MTX2: variants seen among roughly 807,000 people sequenced by gnomAD.
The protein encoded by MTX2 is metaxin-2.
In MTX2, 35 loss-of-function variants were observed where a neutral mutation model predicts 42.3. The ratio of observed to expected loss-of-function variants is 0.83; its 90% CI spans 0.63 to 1.10. MTX2 has a LOEUF of 1.10. MTX2 is among the 50% of genes least tolerant of loss of function. The pLI is 0.00. For missense variants in MTX2, 307 were observed against 304.1 expected, an observed-to-expected ratio of 1.01 and a Z score of -0.07; for synonymous variants, 119 against 100.9, an observed-to-expected ratio of 1.18 and a Z score of -1.08.
At chr2:176,320,219 G>T (rs1407348253) in intron 3 of MTX2, among the ~76,000 whole-genome samples, 2 of 151,952 alleles carry the variant, frequency 1.3e-5, no homozygotes, top group African/African-American at 2.4e-5. Flanking sequence ...CTGCACTCCA[G>T]CCTGGGCGAC....
At chr2:176,324,263 G>A (rs1401007906) in intron 4 of MTX2, among the ~76,000 whole-genome samples, 2 of 151,356 alleles carry the variant, frequency 1.3e-5, no homozygotes, top group Non-Finnish European at 3.0e-5. Flanking sequence ...TGATAATTTA[G>A]GAGTGACTTG....
chr2:176,296,625 C>T (rs1047125672), intron 1 of MTX2, among the ~76,000 whole-genome samples: 1 of 151,892 alleles, frequency 6.6e-6, no homozygotes, highest in Non-Finnish European at 1.5e-5. Context: ...TTCCCCTCTT[C>T]CCCATTAAAA....
At chr2:176,327,836 G>C (rs889307310) in intron 5 of MTX2, among the ~76,000 whole-genome samples, 1 of 150,900 alleles carries the variant, frequency 6.6e-6, no homozygotes, top group Non-Finnish European at 1.5e-5. Context: ...TGAACTAAAG[G>C]TTATATCATT....
intron 9 of MTX2, among the ~76,000 whole-genome samples, chr2:176,331,732 C>T (rs375953957): frequency 2.8e-4 from 42 of 151,260 alleles, no homozygotes; most frequent in East Asian, 9.7e-4. Flanking sequence ...GATGTTTGCT[C>T]TACAGATTCT....
At chr2:176,326,763 ATTATCACAAAC>A (rs1303071908) in intron 4 of MTX2, 51 bp from the exon 5 acceptor site, 8 of 1,061,066 alleles carry the variant, frequency 7.5e-6, no homozygotes, top group African/African-American at 1.7e-5. Context: ...ATTTTTTTTA[ATTATCACAAAC>A]TTTAACATAC....
intron 1 of MTX2, chr2:176,270,347 A>C: frequency 7.4e-7 from 1 of 1,358,456 alleles, no homozygotes; most frequent in Non-Finnish European, 9.8e-7. Context: ...GATTCATGGA[A>C]AATTTTTAAA....
chr2:176,320,271 G>C, intron 3 of MTX2, among the ~76,000 whole-genome samples: 1 of 152,088 alleles, frequency 6.6e-6, no homozygotes, highest in South Asian at 2.1e-4. Context: ...GCATAGGTTT[G>C]ATTGCAGAAC....
In MTX2 at chr2:176,274,705, C is replaced by G. The variant is rs1052920116; in HGVS notation, c.40+5036C>G. Among the ~76,000 whole-genome samples the G allele has an allele frequency of 2.6e-5, 4 of 152,276 alleles. No homozygotes were observed. In the South Asian group the frequency reaches 8.3e-4, roughly 32 times the overall value. On this transcript the variant is annotated intron_variant, in intron 1 of 9. Coordinates refer to ENST00000249442, the MANE Select transcript of MTX2 (RefSeq NM_006554.5). ...AAGCACTGGCAAGACCAGGTACTAC[C>G]TGGAGTGTCTGATCCCAGGGAGGAC...
At chr2:176,311,725 T>G (rs1047893504) in intron 3 of MTX2, among the ~76,000 whole-genome samples, 1 of 152,228 alleles carries the variant, frequency 6.6e-6, no homozygotes, top group African/African-American at 2.4e-5. Flanking sequence ...CGGGAGAGAA[T>G]CACCTTGTCT....
At chr2:176,289,263 G>C (rs1207138215) in intron 1 of MTX2, among the ~76,000 whole-genome samples, 1 of 151,810 alleles carries the variant, frequency 6.6e-6, no homozygotes, top group African/African-American at 2.4e-5. Context: ...TTATTTTATG[G>C]CTTTCAGAAG....
At chr2:176,321,170 G>T (rs1026475469) in intron 3 of MTX2, among the ~76,000 whole-genome samples, 1 of 152,034 alleles carries the variant, frequency 6.6e-6, no homozygotes. Context: ...CTTTTTGAAA[G>T]AACTGTTTAT....
Position 176,337,718 on chromosome 2 carries a change from G to A in MTX2, c.*54G>A. 1 of 1,439,910 alleles carries A rather than the reference G, an allele frequency of 6.9e-7. No homozygotes were observed. Among genetic ancestry groups the A allele is most frequent in the Non-Finnish European group, 9.3e-7 (1 of 1,080,040 alleles). 89.2% of individuals were successfully genotyped at this position (1,439,910 alleles called of 1,614,324 possible). A position where few individuals can be genotyped will look rare whatever the true frequency, so the allele number is the denominator to read the frequency against. ...CTTTTGAAATATGTTTTACTTGAAT[G>A]TTACATTAGATATTGGTGTCAGAAT... On this transcript the variant is annotated 3_prime_UTR_variant, in exon 10 of 10. Coordinates refer to ENST00000249442, the MANE Select transcript of MTX2 (RefSeq NM_006554.5).
chr2:176,270,390 C>T, intron 1 of MTX2: 1 of 1,363,834 alleles, frequency 7.3e-7, no homozygotes, highest in Non-Finnish European at 9.8e-7. Flanking sequence ...ACTTTTGAGT[C>T]GGTGGACTGA....
intron 1 of MTX2, among the ~76,000 whole-genome samples, chr2:176,285,682 G>A (rs1024136334): frequency 6.6e-6 from 1 of 151,076 alleles, no homozygotes; most frequent in South Asian, 2.1e-4. Flanking sequence ...GGTCATCCAT[G>A]TATTCATGTT....
chr2:176,305,837 A>G (rs1454501086), intron 3 of MTX2, among the ~76,000 whole-genome samples: 1 of 152,036 alleles, frequency 6.6e-6, no homozygotes, highest in Non-Finnish European at 1.5e-5. Flanking sequence ...AACATTTCAT[A>G]TTTTTTGGTA....
In MTX2 at chr2:176,330,511, A is replaced by G. The variant is rs892541845; in HGVS notation, c.544-73A>G. On this transcript the variant is annotated intron_variant, in intron 8 of 9. Transcript: ENST00000249442. ...TATTTTTGTTATAAACTGTGATACA[A>G]GTTACGTTTTAGATACTTTTTATTG... 5.6e-6 allele frequency: 6 copies of G among 1,067,468 alleles called. No homozygotes were observed. In the African/African-American group the frequency reaches 9.5e-5, roughly 17 times the overall value. The allele number at this position is 1,067,468 out of a possible 1,614,324, so 66.1% of individuals were successfully genotyped here.
intron 9 of MTX2, among the ~76,000 whole-genome samples, chr2:176,334,283 G>C (rs1293685137): frequency 6.6e-6 from 1 of 151,832 alleles, no homozygotes; most frequent in Non-Finnish European, 1.5e-5. Flanking sequence ...GAGAATATAT[G>C]CACCTTTTTT....
In MTX2 at chr2:176,287,497, G is replaced by A. The variant is rs1199716633; in HGVS notation, c.41-9363G>A. ...TGGGTTAGGGTTGCTTAACTGGTAA[G>A]TATATAATGCAGATATTCCAAACTA... On this transcript the variant is annotated intron_variant, in intron 1 of 9. Transcript: ENST00000249442. Among the ~76,000 whole-genome samples the A allele has an allele frequency of 3.3e-5, 5 of 152,150 alleles. No homozygotes were observed. In the East Asian group the frequency reaches 9.6e-4, roughly 29 times the overall value.
At chr2:176,315,815 C>T (rs902649875) in intron 3 of MTX2, among the ~76,000 whole-genome samples, 3 of 152,138 alleles carry the variant, frequency 2.0e-5, no homozygotes, top group Non-Finnish European at 4.4e-5. Flanking sequence ...TTGGACTGTT[C>T]TCCCCTTAGA....
Sources: allele counts gnomAD v4.1 joint callset (sites outside exome capture counted in the v4.1 genomes callset), GRCh38; gene constraint gnomAD v4.1.1; transcripts MANE v1.5; gene names NCBI Gene and HGNC (gene_info 2026-07-23, HGNC 2026-07-21).